The following TVP23C variants were observed in gnomAD, a reference collection of about 807,000 sequenced individuals.
TVP23C encodes Golgi apparatus membrane protein TVP23 homolog C.
A neutral mutation model predicts 28.7 loss-of-function variants in TVP23C; 19 were observed. The ratio of observed to expected loss-of-function variants is 0.66; its 90% CI spans 0.46 to 0.97. The LOEUF (loss-of-function observed/expected upper bound fraction) is 0.97. Among genes scored for constraint, TVP23C ranks in the 50% least tolerant of loss-of-function variants. The pLI, the probability that TVP23C is intolerant of heterozygous loss-of-function variation, is 0.00. For missense variants in TVP23C, 186 were observed against 241.3 expected, an observed-to-expected ratio of 0.77 and a Z score of 1.52; for synonymous variants, 68 against 81.7, an observed-to-expected ratio of 0.83 and a Z score of 0.90.
intron 5 of TVP23C, among the ~76,000 whole-genome samples, chr17:15,509,681 T>G (rs1447122577): frequency 6.6e-6 from 1 of 152,170 alleles, no homozygotes; most frequent in African/African-American, 2.4e-5. Context: ...GAGCCATGAT[T>G]GTGCCACTGC....
intron 5 of TVP23C, among the ~76,000 whole-genome samples, chr17:15,525,207 G>A (rs538820255): frequency 2.2e-3 from 337 of 152,348 alleles, no homozygotes; most frequent in African/African-American, 7.9e-3. Flanking sequence ...CCCAATAAAT[G>A]TTTATTGAGT....
chr17:15,550,553 G>A (rs1224451180), intron 3 of TVP23C, among the ~76,000 whole-genome samples: 1 of 152,036 alleles, frequency 6.6e-6, no homozygotes, highest in Non-Finnish European at 1.5e-5. Flanking sequence ...TTTATTTTTT[G>A]GCACTTTGGT....
Position 15,537,676 on chromosome 17 carries a change from C to T in TVP23C, c.*2736G>A, listed in dbSNP as rs1267861014. On this transcript the variant is annotated 3_prime_UTR_variant, in exon 6 of 6. Coordinates refer to ENST00000518321, the MANE Select transcript of TVP23C (RefSeq NM_001135036.2). ...ACTTATACATAAGCCAAAGTGCTCA[C>T]TCTTACCATAGAAGCAAAACTTTCT... 5 of 985,962 alleles carry T rather than the reference C, an allele frequency of 5.1e-6. No homozygotes were observed. Among genetic ancestry groups the T allele is most frequent in the African/African-American group, 1.7e-5 (1 of 57,394 alleles). 61.1% of individuals were successfully genotyped at this position (985,962 alleles called of 1,614,324 possible).
chr17:15,540,172 T>A lies in TVP23C; in HGVS notation c.*240A>T. 7.9e-7 allele frequency: 1 copy of A among 1,269,486 alleles called. No homozygotes were observed. Among genetic ancestry groups the A allele is most frequent in the Non-Finnish European group, 9.9e-7 (1 of 1,008,410 alleles). The allele number at this position is 1,269,486 out of a possible 1,614,324, so 78.6% of individuals were successfully genotyped here. A position where few individuals can be genotyped will look rare whatever the true frequency, so the allele number is the denominator to read the frequency against. ...GCTCCCATAATTGATGAAAAACAAC[T>A]GAACTTAAAAGTAATTTTTAAAAAA... On this transcript the variant is annotated 3_prime_UTR_variant, in exon 6 of 6. Transcript: ENST00000518321.
rs1983226787 is a variant in TVP23C, at chr17:15,537,984, C to A, written c.*2428G>T. 6.8e-7 allele frequency: 1 copy of A among 1,475,004 alleles called. No individual in the cohort carries two copies. The highest frequency in any genetic ancestry group is 1.4e-5 in the African/African-American group (1 of 69,824). The allele number at this position is 1,475,004 out of a possible 1,614,324, so 91.4% of individuals were successfully genotyped here. A position where few individuals can be genotyped will look rare whatever the true frequency, so the allele number is the denominator to read the frequency against. On this transcript the variant is annotated 3_prime_UTR_variant, in exon 6 of 6. Coordinates refer to ENST00000518321, the MANE Select transcript of TVP23C (RefSeq NM_001135036.2). ...AAATAAAAACTTAATATGAAAACTACTTTTCCTTTTTATAAATAAAGTTTT... is the reference window on the plus strand; with the variant it reads ...AAATAAAAACTTAATATGAAAACTAATTTTCCTTTTTATAAATAAAGTTTT...
chr17:15,541,651 A>G (rs1380485629), intron 5 of TVP23C, among the ~76,000 whole-genome samples: 1 of 152,220 alleles, frequency 6.6e-6, no homozygotes, highest in Non-Finnish European at 1.5e-5. Context: ...AATAGATTTA[A>G]ATGTTTGATT....
At chr17:15,511,116 T>C (rs548071365) in intron 5 of TVP23C, among the ~76,000 whole-genome samples, 1 of 151,088 alleles carries the variant, frequency 6.6e-6, no homozygotes. Flanking sequence ...CATGGGACCT[T>C]AGACAAGCCC....
At chr17:15,526,170 C>T (rs1457993965) in intron 5 of TVP23C, among the ~76,000 whole-genome samples, 1 of 82,600 alleles carries the variant, frequency 1.2e-5, no homozygotes, top group Non-Finnish European at 2.4e-5. Context: ...GTTACAGCTT[C>T]AACTCTGCTC....
intron 5 of TVP23C, among the ~76,000 whole-genome samples, chr17:15,506,099 G>A (rs1981725126): frequency 6.6e-6 from 1 of 152,260 alleles, no homozygotes; most frequent in African/African-American, 2.4e-5. Context: ...CTGGCAGGCA[G>A]CTCCACCTGC....
At chr17:15,523,892 C>A (rs1302039960) in intron 5 of TVP23C, among the ~76,000 whole-genome samples, 1 of 152,180 alleles carries the variant, frequency 6.6e-6, no homozygotes, top group Non-Finnish European at 1.5e-5. Flanking sequence ...GGATTACAGG[C>A]GTGAGCCACC....
intron 5 of TVP23C, among the ~76,000 whole-genome samples, chr17:15,544,048 A>G (rs2532464): frequency 3.6e-4 from 54 of 152,082 alleles, no homozygotes; most frequent in Non-Finnish European, 5.3e-4. Context: ...GATAAATACA[A>G]ATACATCTGG....
chr17:15,510,046 A>T (rs547676938), intron 5 of TVP23C, among the ~76,000 whole-genome samples: 2 of 151,542 alleles, frequency 1.3e-5, no homozygotes, highest in African/African-American at 2.4e-5. Context: ...TGACTTTTTT[A>T]AAAAAACAGC....
At position 15,555,342 on chromosome 17, in the gene TVP23C, T is replaced by A. The variant is rs17850828; in HGVS notation, c.35A>T (p.Asp12Val). 4 of 1,613,984 alleles carry A rather than the reference T, an allele frequency of 2.5e-6. No individual in the cohort carries two copies. The highest frequency in any genetic ancestry group is 3.3e-5 in the Admixed American group (2 of 60,020). The change falls in exon 2 of 6, where the codon GAT becomes GTT. Residue 12 changes from aspartate to valine, a missense_variant. By Grantham distance (152) the Asp-to-Val change is radical. Coordinates refer to ENST00000518321, the MANE Select transcript of TVP23C (RefSeq NM_001135036.2). ...CTCTTCCGCATCAAACAGTGAAACATCTTCAGTGTCATCATTACTATCCTG... is the reference window on the plus strand; with the variant it reads ...CTCTTCCGCATCAAACAGTGAAACAACTTCAGTGTCATCATTACTATCCTG... ...LQQDSNDDTE[D>V]VSLFDAEEET...
chr17:15,551,260 G>C (rs1160221275), intron 3 of TVP23C, among the ~76,000 whole-genome samples: 1 of 147,368 alleles, frequency 6.8e-6, no homozygotes, highest in African/African-American at 2.5e-5. Context: ...CACCATGCCC[G>C]GCTCATTTTT....
intron 5 of TVP23C, among the ~76,000 whole-genome samples, chr17:15,515,535 C>G (rs73978051): frequency 2.0e-5 from 3 of 152,100 alleles, no homozygotes; most frequent in African/African-American, 7.2e-5. Context: ...ACACGAGATA[C>G]GATTTTCATG....
chr17:15,524,003 G>C (rs1982604309), intron 5 of TVP23C, among the ~76,000 whole-genome samples: 1 of 151,894 alleles, frequency 6.6e-6, no homozygotes, highest in Non-Finnish European at 1.5e-5. Context: ...AAACACTGCT[G>C]AAGAGAGCTT....
intron 3 of TVP23C, among the ~76,000 whole-genome samples, chr17:15,550,258 T>G (rs1983829730): frequency 1.3e-5 from 2 of 152,236 alleles, no homozygotes; most frequent in African/African-American, 2.4e-5. Context: ...ATATTTACAG[T>G]TTTTGCTTCC....
intron 5 of TVP23C, 127 bp from the exon 6 acceptor site, chr17:15,540,688 T>G (rs554222587): frequency 4.9e-6 from 3 of 610,606 alleles, no homozygotes; most frequent in African/African-American, 1.9e-5. Flanking sequence ...AAGCCATGAT[T>G]GTGCCAGTTG....
intron 1 of TVP23C, among the ~76,000 whole-genome samples, chr17:15,556,490 T>A (rs901972872): frequency 1.3e-5 from 2 of 151,780 alleles, no homozygotes; most frequent in Non-Finnish European, 2.9e-5. Flanking sequence ...CCTTCCCAAG[T>A]AGCTGGGACT....
Sources: gnomAD v4.1 joint callset for allele counts (sites outside exome capture counted in the v4.1 genomes callset) on GRCh38, gnomAD v4.1.1 for gene constraint, MANE v1.5 for transcripts, NCBI Gene and HGNC (gene_info 2026-07-23, HGNC 2026-07-21) for gene names.